Variants in SEMA3A observed in about 807,000 individuals in gnomAD.
The protein encoded by SEMA3A is semaphorin 3A, also known as semaphorin-3A.
SEMA3A carries 29 observed loss-of-function variants against 97.9 expected under a neutral mutation model. That is an observed-to-expected ratio of 0.30 (90% CI 0.22 to 0.40). The LOEUF (loss-of-function observed/expected upper bound fraction) is 0.40, where lower values mean the gene tolerates loss of function less well. Ranked by LOEUF, SEMA3A falls within the 10% of genes least tolerant of loss-of-function variation. The probability of loss-of-function intolerance (pLI) is 1.00; values close to 1 mark genes in which losing one functional copy is unlikely to be tolerated. For missense variants in SEMA3A, 763 were observed against 951.3 expected, an observed-to-expected ratio of 0.80 and a Z score of 2.60; for synonymous variants, 321 against 323.7, an observed-to-expected ratio of 0.99 and a Z score of 0.09.
intron 3 of SEMA3A, among the ~76,000 whole-genome samples, chr7:84,217,460 TA>T (rs1029720623): frequency 1.3e-5 from 2 of 152,018 alleles, no homozygotes; most frequent in African/African-American, 4.8e-5. Flanking sequence ...TGACCCTATA[TA>T]AAAAATCTGT....
At chr7:84,167,589 C>T (rs796518263) in intron 1 of SEMA3A, among the ~76,000 whole-genome samples, 13 of 152,112 alleles carry the variant, frequency 8.5e-5, no homozygotes, top group African/African-American at 2.2e-4. Flanking sequence ...TGACAATAAA[C>T]GTCACAAAAA....
intron 1 of SEMA3A, among the ~76,000 whole-genome samples, chr7:84,148,134 C>T (rs1466583265): frequency 1.3e-5 from 2 of 151,958 alleles, no homozygotes; most frequent in African/African-American, 2.4e-5. Flanking sequence ...AGGCTGGTCT[C>T]GAACCCCTGA....
intron 12 of SEMA3A, among the ~76,000 whole-genome samples, chr7:83,991,645 C>G (rs962391823): frequency 6.6e-6 from 1 of 151,910 alleles, no homozygotes; most frequent in African/African-American, 2.4e-5. Context: ...TATATTGAAC[C>G]AGCGTTGCAT....
At chr7:84,345,270 G>T (rs574759486) in intron 2 of SEMA3A, among the ~76,000 whole-genome samples, 49 of 152,312 alleles carry the variant, frequency 3.2e-4, no homozygotes, top group African/African-American at 1.1e-3. Context: ...AATCATTTGA[G>T]CCTTAAGTGA....
intron 1 of SEMA3A, among the ~76,000 whole-genome samples, chr7:84,167,635 T>C (rs1189174047): frequency 6.6e-6 from 1 of 152,074 alleles, no homozygotes; most frequent in African/African-American, 2.4e-5. Flanking sequence ...TGCAGAAGAA[T>C]TGGTAAGTGG....
intron 3 of SEMA3A, among the ~76,000 whole-genome samples, chr7:84,300,554 C>T (rs1800985290): frequency 6.6e-6 from 1 of 151,912 alleles, no homozygotes; most frequent in Non-Finnish European, 1.5e-5. Flanking sequence ...AAAATGAAGA[C>T]ACAAATAATA....
chr7:84,248,631 C>T (rs552621084), intron 3 of SEMA3A, among the ~76,000 whole-genome samples: 151 of 152,058 alleles, frequency 9.9e-4, no homozygotes, highest in South Asian at 3.1e-3. Context: ...TTTTTTCAGA[C>T]ACGTTTCAAT....
chr7:84,027,430 G>C (rs1791587524), intron 6 of SEMA3A, among the ~76,000 whole-genome samples: 2 of 152,076 alleles, frequency 1.3e-5, no homozygotes, highest in Non-Finnish European at 1.5e-5. Context: ...TTATAATACA[G>C]TATTTTGTTG....
In SEMA3A at chr7:84,094,223, A is replaced by G. The variant is rs148250465; in HGVS notation, c.453+16247T>C. Among the ~76,000 whole-genome samples the G allele has an allele frequency of 1.2e-4, 19 of 152,240 alleles. No individual in the cohort carries two copies. In the East Asian group the frequency reaches 3.5e-3, roughly 28 times the overall value. Reference sequence around the variant, plus strand: ...CACTTCTGGTCTGCTGCCCAGGAGAAAAGTCCACTTAGTTCATTACATACA... The same window carrying G: ...CACTTCTGGTCTGCTGCCCAGGAGAGAAGTCCACTTAGTTCATTACATACA... On this transcript the variant is annotated intron_variant, in intron 4 of 16. Coordinates refer to ENST00000265362, the MANE Select transcript of SEMA3A (RefSeq NM_006080.3).
At chr7:84,488,067 T>G (rs544749922) in intron 1 of SEMA3A, among the ~76,000 whole-genome samples, 8 of 152,140 alleles carry the variant, frequency 5.3e-5, no homozygotes, top group African/African-American at 1.9e-4. Context: ...ATGAAATCTC[T>G]CTTTAAAATG....
intron 2 of SEMA3A, among the ~76,000 whole-genome samples, chr7:84,337,360 C>A (rs190771197): frequency 3.6e-4 from 55 of 152,150 alleles, no homozygotes; most frequent in African/African-American, 1.3e-3. Context: ...GCACAGAGAT[C>A]CATGTCTACA....
chr7:84,283,284 C>G (rs145258398), intron 3 of SEMA3A, among the ~76,000 whole-genome samples: 2 of 152,152 alleles, frequency 1.3e-5, no homozygotes, highest in East Asian at 1.9e-4. Flanking sequence ...GCATGGAAAG[C>G]AGATACATCA....
chr7:84,027,196 C>T (rs192520242), intron 6 of SEMA3A, among the ~76,000 whole-genome samples: 58 of 152,256 alleles, frequency 3.8e-4, no homozygotes, highest in Non-Finnish European at 5.9e-4. Flanking sequence ...AATGTCTCTG[C>T]TACCTAGTCC....
intron 12 of SEMA3A, among the ~76,000 whole-genome samples, chr7:83,995,040 C>T (rs1299944353): frequency 2.6e-5 from 4 of 152,122 alleles, no homozygotes; most frequent in South Asian, 2.1e-4. Context: ...TTAAGCCCGT[C>T]GGAAAAGTGC....
intron 2 of SEMA3A, among the ~76,000 whole-genome samples, chr7:84,312,933 CACACACACACGT>C (rs1801377620): frequency 7.8e-6 from 1 of 128,228 alleles, no homozygotes. Flanking sequence ...CACACACACA[CACACACACACGT>C]ACACACATAT....
At chr7:84,246,958 C>T (rs941421834) in intron 3 of SEMA3A, among the ~76,000 whole-genome samples, 1 of 151,880 alleles carries the variant, frequency 6.6e-6, no homozygotes, top group Non-Finnish European at 1.5e-5. Context: ...TAATGTAATA[C>T]AAAGGGATGA....
intron 3 of SEMA3A, among the ~76,000 whole-genome samples, chr7:84,260,636 G>A (rs1277371378): frequency 1.3e-5 from 2 of 152,166 alleles, no homozygotes; most frequent in African/African-American, 4.8e-5. Context: ...AGTTGGATGT[G>A]AGTGCTCTCA....
intron 6 of SEMA3A, among the ~76,000 whole-genome samples, chr7:84,037,371 A>G (rs2116478328): frequency 6.6e-6 from 1 of 152,154 alleles, no homozygotes; most frequent in South Asian, 2.1e-4. Context: ...TCTGTCACCT[A>G]GGCTGGAGTG....
chr7:84,264,465 C>T (rs537157373), intron 3 of SEMA3A, among the ~76,000 whole-genome samples: 62 of 152,204 alleles, frequency 4.1e-4, no homozygotes, highest in African/African-American at 1.3e-3. Flanking sequence ...TTTTTTCTGG[C>T]TGCTGTAACA....
Sources: allele counts gnomAD v4.1 joint callset (sites outside exome capture counted in the v4.1 genomes callset), GRCh38; gene constraint gnomAD v4.1.1; transcripts MANE v1.5; gene names NCBI Gene and HGNC (gene_info 2026-07-23, HGNC 2026-07-21).